Variants in MYOM1 observed in about 807,000 individuals in gnomAD.
MYOM1 encodes the protein myomesin 1.
In MYOM1, 164 loss-of-function variants were observed where a neutral mutation model predicts 205.3. The observed-to-expected ratio is 0.80, with a 90% CI of 0.70 to 0.91. The LOEUF is 0.91. MYOM1 is among the 40% of genes least tolerant of loss of function. The probability of loss-of-function intolerance (pLI) is 0.00; values close to 1 mark genes in which losing one functional copy is unlikely to be tolerated. For missense variants in MYOM1, 2,011 were observed against 2,127.3 expected, an observed-to-expected ratio of 0.95 and a Z score of 1.08; for synonymous variants, 772 against 789.4, an observed-to-expected ratio of 0.98 and a Z score of 0.37.
At chr18:3,119,134 C>T (rs2079649334) in intron 20 of MYOM1, among the ~76,000 whole-genome samples, 1 of 152,112 alleles carries the variant, frequency 6.6e-6, no homozygotes, top group Non-Finnish European at 1.5e-5. Context: ...CCCATCCTCG[C>T]CCCACTTCCC....
chr18:3,185,507 T>A (rs996679049), intron 5 of MYOM1, among the ~76,000 whole-genome samples: 5 of 152,198 alleles, frequency 3.3e-5, no homozygotes, highest in African/African-American at 1.2e-4. Flanking sequence ...TTGTTATTGT[T>A]TGTGCATTTC....
intron 9 of MYOM1, among the ~76,000 whole-genome samples, chr18:3,166,143 C>G (rs890178022): frequency 1.3e-5 from 2 of 152,008 alleles, no homozygotes; most frequent in African/African-American, 4.8e-5. Context: ...CAAGGGGTGA[C>G]AGCAGAGCAT....
chr18:3,088,764 TG>T (rs1203279294), intron 29 of MYOM1, among the ~76,000 whole-genome samples: 4 of 152,192 alleles, frequency 2.6e-5, no homozygotes, highest in African/African-American at 9.7e-5. Flanking sequence ...GTGGCACAGC[TG>T]GGGAATACCC....
intron 5 of MYOM1, 86 bp downstream of exon 5, chr18:3,187,394 T>A: frequency 7.1e-7 from 1 of 1,416,924 alleles, no homozygotes; most frequent in South Asian, 1.3e-5. Flanking sequence ...CATTGACTCT[T>A]GCATATGGTT....
intron 2 of MYOM1, among the ~76,000 whole-genome samples, chr18:3,202,556 T>G (rs2144213357): frequency 6.6e-6 from 1 of 152,284 alleles, no homozygotes; most frequent in East Asian, 1.9e-4. Context: ...CAAGAAATAT[T>G]ATTAGAGACA....
At chr18:3,098,502 C>T (rs1227954922) in intron 25 of MYOM1, among the ~76,000 whole-genome samples, 1 of 152,098 alleles carries the variant, frequency 6.6e-6, no homozygotes. Flanking sequence ...TGGTCTTGAA[C>T]TCCTGACCTC....
intron 2 of MYOM1, 69 bp from the exon 3 acceptor site, chr18:3,194,027 G>C (rs541648663): frequency 2.0e-6 from 3 of 1,511,872 alleles, no homozygotes; most frequent in African/African-American, 2.8e-5. Context: ...ATACGATAGA[G>C]GAAGTTTTAA....
rs2079266432 is a variant in MYOM1 at position 3,094,202 on chromosome 18, T to C, written c.3832A>G (p.Ile1278Val). ...KLSGNAKVNY[I>V]FNEKEIFEGP... ...TCAAAAATTTCCTTCTCGTTAAATA[T>C]GTAGTTGACTTTGGCATTGCCAGAC... The change falls in exon 26 of 38, where the codon ATA (isoleucine) becomes GTA (valine). Residue 1278 changes from isoleucine to valine, a missense_variant. Transcript: ENST00000356443. The C allele has an allele frequency of 1.9e-6, 3 of 1,614,028 alleles. No individual in the cohort carries two copies. The highest frequency in any genetic ancestry group is 2.5e-6 in the Non-Finnish European group (3 of 1,179,882).
chr18:3,095,105 T>A (rs1036026998), intron 25 of MYOM1, among the ~76,000 whole-genome samples: 2 of 152,202 alleles, frequency 1.3e-5, no homozygotes, highest in Non-Finnish European at 2.9e-5. Flanking sequence ...CCAAGTTCAG[T>A]GTGATACATT....
At chr18:3,215,394 C>G in intron 1 of MYOM1, 143 bp from the exon 2 acceptor site, 1 of 707,462 alleles carries the variant, frequency 1.4e-6, no homozygotes, top group South Asian at 2.0e-5. Flanking sequence ...TCTCTCGAGG[C>G]CGGGAGCTCA....
intron 21 of MYOM1, among the ~76,000 whole-genome samples, chr18:3,113,406 G>A (rs1481138261): frequency 6.6e-6 from 1 of 151,914 alleles, no homozygotes; most frequent in African/African-American, 2.4e-5. Context: ...TCAGCTCACT[G>A]TAGCCTGGAC....
intron 11 of MYOM1, among the ~76,000 whole-genome samples, chr18:3,153,361 A>G (rs2080247315): frequency 6.6e-6 from 1 of 152,204 alleles, no homozygotes; most frequent in South Asian, 2.1e-4. Flanking sequence ...ACTTGAAATA[A>G]TAGCAACGAC....
chr18:3,203,244 T>A (rs1039007307), intron 2 of MYOM1, among the ~76,000 whole-genome samples: 1 of 149,180 alleles, frequency 6.7e-6, no homozygotes, highest in African/African-American at 2.5e-5. Context: ...TAGAAAAAGA[T>A]AAAACTAAAC....
chr18:3,109,263 G>A (rs999833207), intron 22 of MYOM1, among the ~76,000 whole-genome samples: 1 of 152,142 alleles, frequency 6.6e-6, no homozygotes, highest in Non-Finnish European at 1.5e-5. Context: ...GATTACAGGC[G>A]TGAATCACCG....
intron 13 of MYOM1, among the ~76,000 whole-genome samples, chr18:3,147,334 C>T (rs1250314799): frequency 1.3e-5 from 2 of 151,500 alleles, no homozygotes; most frequent in Non-Finnish European, 2.9e-5. Flanking sequence ...ATGTGCAGGA[C>T]CTGCTCACTA....
chr18:3,210,222 C>T (rs1016320919), intron 2 of MYOM1, among the ~76,000 whole-genome samples: 2 of 152,228 alleles, frequency 1.3e-5, no homozygotes, highest in Non-Finnish European at 2.9e-5. Flanking sequence ...GGAGATGGAA[C>T]AAGCTTTCAA....
intron 2 of MYOM1, among the ~76,000 whole-genome samples, chr18:3,196,836 T>C (rs989371059): frequency 6.6e-6 from 1 of 152,214 alleles, no homozygotes; most frequent in African/African-American, 2.4e-5. Context: ...AACTCAGAAG[T>C]AGACTTACAC....
At chr18:3,188,686 CACACA>C in intron 4 of MYOM1, 57 bp downstream of exon 4, 2 of 1,408,344 alleles carry the variant, frequency 1.4e-6, no homozygotes, top group African/African-American at 1.5e-5. Context: ...CACACACACA[CACACA>C]CCCCTTATGA....
chr18:3,084,769 A>C (rs772353239), intron 31 of MYOM1, among the ~76,000 whole-genome samples: 17 of 152,232 alleles, frequency 1.1e-4, no homozygotes, highest in Non-Finnish European at 2.2e-4. Context: ...ATTTTTATAG[A>C]GTTGAAACAA....
Sources: gnomAD v4.1 joint callset for allele counts (sites outside exome capture counted in the v4.1 genomes callset) on GRCh38, gnomAD v4.1.1 for gene constraint, MANE v1.5 for transcripts, NCBI Gene and HGNC (gene_info 2026-07-23, HGNC 2026-07-21) for gene names.